SYCP1: variants seen among roughly 807,000 people sequenced by gnomAD.
SYCP1 encodes the protein synaptonemal complex protein 1.
In SYCP1, 64 loss-of-function variants were observed where a neutral mutation model predicts 153.1. The observed-to-expected ratio is 0.42, with a 90% CI of 0.34 to 0.51. The LOEUF (loss-of-function observed/expected upper bound fraction) is 0.51, where lower values mean the gene tolerates loss of function less well. Among genes scored for constraint, SYCP1 ranks in the 20% least tolerant of loss-of-function variants. The pLI is 0.06. For synonymous variants in SYCP1, 384 were observed against 341.8 expected, an observed-to-expected ratio of 1.12 and a Z score of -1.36; for missense variants, 997 against 1,049.0, an observed-to-expected ratio of 0.95 and a Z score of 0.68.
At chr1:114,945,097 A>G in intron 25 of SYCP1, 115 bp downstream of exon 25, 1 of 743,390 alleles carries the variant, frequency 1.3e-6, no homozygotes, top group Admixed American at 3.3e-5. Flanking sequence ...TGTCTATGCA[A>G]CAGTGACTGT....
intron 7 of SYCP1, 78 bp from the exon 8 acceptor site, chr1:114,860,658 A>G (rs1664306159): frequency 3.4e-6 from 3 of 895,116 alleles, no homozygotes; most frequent in Non-Finnish European, 5.1e-6. Flanking sequence ...AATTGTAACA[A>G]TATATTTCAT....
Position 114,944,347 on chromosome 1 carries a change from A to C in SYCP1, c.1935A>C (p.Lys645Asn). The change falls in exon 24 of 32, where the codon AAA (lysine) becomes AAC (asparagine). Residue 645 changes from lysine (K) to asparagine (N), a missense_variant. Around this residue, in one of 2 missense-constraint regions of SYCP1, gnomAD observed 712 missense variants for 682.9 expected, o/e 1.04. Coordinates refer to ENST00000369522, the MANE Select transcript of SYCP1 (RefSeq NM_003176.4). ...QLNVYEIKVNKLELELESAKQ... is the reference protein window; with the variant it reads ...QLNVYEIKVNNLELELESAKQ... ...TTTTTCTTTACTTAAAGGTCAATAA[A>C]TTAGAGTTAGAACTAGAAAGTGCCA... 1 of 1,590,116 alleles carries C rather than the reference A, an allele frequency of 6.3e-7. No individual in the cohort carries two copies. The highest frequency in any genetic ancestry group is 8.6e-7 in the Non-Finnish European group (1 of 1,163,526).
At chr1:114,914,664 C>A (rs1317389705) in intron 20 of SYCP1, among the ~76,000 whole-genome samples, 2 of 152,190 alleles carry the variant, frequency 1.3e-5, no homozygotes, top group Non-Finnish European at 2.9e-5. Flanking sequence ...TGGCTCTCCT[C>A]TTTTCCTTGT....
rs765076769 is a variant in SYCP1, at chr1:114,856,585, T to G, written c.121T>G (p.Cys41Gly). The change falls in exon 3 of 32, where the codon TGT becomes GGT. Residue 41 changes from cysteine (C) to glycine (G), a missense_variant. Physicochemically the swap from Cys to Gly is radical, Grantham distance 159 (BLOSUM62 -3). Around this residue, in one of 2 missense-constraint regions of SYCP1, gnomAD observed 285 missense variants for 366.1 expected, o/e 0.78. Transcript: ENST00000369522. ...TTTGTGTCTCTAGAGTTTCAACAAA[T>G]GTACTGAAGATGATTTTGAGTTTCC... ...DSTFFKSFNKCTEDDFEFPFA... is the reference protein window; with the variant it reads ...DSTFFKSFNKGTEDDFEFPFA... 1.2e-6 allele frequency: 2 copies of G among 1,610,394 alleles called. No homozygotes were observed. Among genetic ancestry groups the G allele is most frequent in the Non-Finnish European group, 1.7e-6 (2 of 1,178,640 alleles).
intron 27 of SYCP1, among the ~76,000 whole-genome samples, chr1:114,949,382 G>A (rs1670948247): frequency 6.6e-6 from 1 of 152,220 alleles, no homozygotes; most frequent in Admixed American, 6.5e-5. Context: ...AACCTTGAAA[G>A]ATGGTCAGGT....
chr1:114,878,341 G>A, intron 12 of SYCP1, 139 bp downstream of exon 12: 2 of 563,684 alleles, frequency 3.5e-6, no homozygotes, highest in South Asian at 2.3e-5. Context: ...GTTGGAGGAG[G>A]GCATAATAGA....
At chr1:114,909,713 T>C (rs1668058598) in intron 16 of SYCP1, among the ~76,000 whole-genome samples, 1 of 152,074 alleles carries the variant, frequency 6.6e-6, no homozygotes. Flanking sequence ...AGAATGAAAA[T>C]ATATTTTAAG....
At chr1:114,888,959 G>T (rs901659866) in intron 15 of SYCP1, among the ~76,000 whole-genome samples, 3 of 151,692 alleles carry the variant, frequency 2.0e-5, no homozygotes, top group African/African-American at 7.3e-5. Context: ...ATGGTGTTTG[G>T]TTTTCTGTCC....
intron 23 of SYCP1, among the ~76,000 whole-genome samples, chr1:114,942,481 A>G (rs963972274): frequency 3.3e-5 from 5 of 151,992 alleles, no homozygotes; most frequent in African/African-American, 4.8e-5. Flanking sequence ...TGTATAGCTA[A>G]GGTAATTAAG....
intron 28 of SYCP1, 102 bp downstream of exon 28, chr1:114,977,718 TA>T (rs1199221219): frequency 8.9e-6 from 6 of 672,094 alleles, no homozygotes; most frequent in African/African-American, 7.6e-5. Context: ...ACATTTTACA[TA>T]TATCATACAA....
intron 27 of SYCP1, among the ~76,000 whole-genome samples, chr1:114,973,024 T>C (rs1672589568): frequency 6.6e-6 from 1 of 151,934 alleles, no homozygotes; most frequent in Non-Finnish European, 1.5e-5. Flanking sequence ...CCTGTGTGTC[T>C]ATCTGATAGG....
At chr1:114,915,893 A>G (rs1557797214) in intron 20 of SYCP1, among the ~76,000 whole-genome samples, 1 of 152,172 alleles carries the variant, frequency 6.6e-6, no homozygotes, top group Non-Finnish European at 1.5e-5. Flanking sequence ...CAAGACAGGA[A>G]AATGAAGCTA....
chr1:114,947,811 CAAAAAAAAAAAAAAAAAAA>C (rs1174716918), intron 27 of SYCP1, among the ~76,000 whole-genome samples: 9 of 43,880 alleles, frequency 2.1e-4, no homozygotes, highest in African/African-American at 7.7e-4. Context: ...GACTCCGTCT[CAAAAAAAAAAAAAAAAAAA>C]AAAAAAAAAA....
chr1:114,896,284 A>T (rs1667055855), intron 16 of SYCP1, among the ~76,000 whole-genome samples: 1 of 152,174 alleles, frequency 6.6e-6, no homozygotes, highest in African/African-American at 2.4e-5. Context: ...TTATTTTAAA[A>T]TATTTTTCTT....
intron 8 of SYCP1, among the ~76,000 whole-genome samples, chr1:114,861,307 T>C (rs1229376381): frequency 6.6e-6 from 1 of 152,186 alleles, no homozygotes; most frequent in Non-Finnish European, 1.5e-5. Context: ...TTTAAAAATT[T>C]TAAAGCATGT....
intron 9 of SYCP1, 37 bp downstream of exon 9, chr1:114,874,601 G>A: frequency 1.5e-6 from 2 of 1,329,374 alleles, no homozygotes; most frequent in Non-Finnish European, 2.1e-6. Context: ...TTAAACATAG[G>A]AATTTCTGAG....
intron 23 of SYCP1, among the ~76,000 whole-genome samples, chr1:114,943,866 T>C (rs186892110): frequency 6.9e-4 from 105 of 151,960 alleles, no homozygotes; most frequent in Admixed American, 2.4e-3. Context: ...TCCTTCCCTC[T>C]TAATAATTTC....
upstream of SYCP1, chr1:114,854,679 C>A (rs975133995): frequency 6.6e-6 from 1 of 152,224 alleles, no homozygotes; most frequent in Non-Finnish European, 1.5e-5. Flanking sequence ...TGTCATAGAG[C>A]CTGACAGTTT....
chr1:114,909,198 T>C (rs72694101), intron 16 of SYCP1, among the ~76,000 whole-genome samples: 3,545 of 152,182 alleles, frequency 0.023, 56 homozygotes, highest in South Asian at 0.034. Context: ...ATTTCTCCTT[T>C]ATATTCTGGC....
Sources: gnomAD v4.1 joint callset for allele counts (sites outside exome capture counted in the v4.1 genomes callset) on GRCh38, gnomAD v4.1.1 for gene constraint, gnomAD v4.1.1 regional missense constraint, MANE v1.5 for transcripts, NCBI Gene and HGNC (gene_info 2026-07-23, HGNC 2026-07-21) for gene names.